PRKCQ: variants seen among roughly 807,000 people sequenced by gnomAD.
PRKCQ encodes protein kinase C theta, also known as protein kinase C theta type.
A neutral mutation model predicts 91.2 loss-of-function variants in PRKCQ; 41 were observed. The ratio of observed to expected loss-of-function variants is 0.45; its 90% CI spans 0.35 to 0.58. PRKCQ has a LOEUF of 0.58. Among genes scored for constraint, PRKCQ ranks in the 20% least tolerant of loss-of-function variants. PRKCQ has a pLI of 0.00. For missense variants in PRKCQ, 673 were observed against 896.5 expected, an observed-to-expected ratio of 0.75 and a Z score of 3.18; for synonymous variants, 307 against 316.9, an observed-to-expected ratio of 0.97 and a Z score of 0.33.
At chr10:6,425,948 G>A (rs1191698393), downstream of PRKCQ, among the ~76,000 whole-genome samples, 2 of 152,138 alleles carry the variant, frequency 1.3e-5, no homozygotes, top group Non-Finnish European at 2.9e-5. Context: ...GGGTCTCTGG[G>A]TGTCAGGAGG....
chr10:6,517,307 T>C (rs144768132), intron 1 of PRKCQ, among the ~76,000 whole-genome samples: 1 of 146,144 alleles, frequency 6.8e-6, no homozygotes, highest in African/African-American at 2.5e-5. Flanking sequence ...TTCTGATCTA[T>C]TTTCCCTAGT....
chr10:6,476,961 G>C (rs1390231597), intron 12 of PRKCQ, among the ~76,000 whole-genome samples: 1 of 152,124 alleles, frequency 6.6e-6, no homozygotes, highest in Non-Finnish European at 1.5e-5. Context: ...CCAGGCCAAT[G>C]GGTATTTATC....
chr10:6,397,192 G>T, the PRKCQ span, among the ~76,000 whole-genome samples: 5 of 152,148 alleles, frequency 3.3e-5, no homozygotes, highest in African/African-American at 9.7e-5. Flanking sequence ...TGCCTCCCGG[G>T]TTCAAGTGAT....
At chr10:6,451,720 T>C (rs1214592626) in intron 15 of PRKCQ, among the ~76,000 whole-genome samples, 1 of 152,150 alleles carries the variant, frequency 6.6e-6, no homozygotes, top group Non-Finnish European at 1.5e-5. Context: ...ATTAAAAAGC[T>C]TATCCACCAT....
rs779218245 is a variant in PRKCQ at position 6,519,799 on chromosome 10, C to A, written c.-9-4655G>T. 2.0e-4 allele frequency among the ~76,000 whole-genome samples: 31 copies of A among 152,100 alleles called. 1 individual carries two copies. The highest frequency in any genetic ancestry group is 9.8e-4 in the Admixed American group (15 of 15,274). On this transcript the variant is annotated intron_variant, in intron 1 of 17. Transcript: ENST00000263125. ...TTACCCCTGGCACCTGCACTTAACTCCCCTCATAAATATGTATAGATTTTT... is the reference window on the plus strand; with the variant it reads ...TTACCCCTGGCACCTGCACTTAACTACCCTCATAAATATGTATAGATTTTT...
intron 14 of PRKCQ, among the ~76,000 whole-genome samples, chr10:6,461,082 C>T (rs1345142501): frequency 1.3e-5 from 2 of 150,704 alleles, no homozygotes; most frequent in Non-Finnish European, 3.0e-5. Context: ...ATCATTCATC[C>T]ATCATTTATC....
rs1346191188 is a variant in PRKCQ at position 6,427,273 on chromosome 10, T to TTGAC, written c.*930_*933dup. The TTGAC allele has an allele frequency of 1.3e-5, 2 of 152,226 alleles. No individual in the cohort carries two copies. The highest frequency in any genetic ancestry group is 2.4e-5 in the African/African-American group (1 of 41,460). The allele number at this position is 152,226 out of a possible 1,614,324, so 9.4% of individuals were successfully genotyped here. On this transcript the variant is annotated 3_prime_UTR_variant, in exon 18 of 18. Transcript: ENST00000263125. The stretch of plus-strand genomic sequence containing the variant: ...TGGTTGGAATTCTAATTCAACTCAA[T>TTGAC]TGACTGCTGCAAACAGCATGCATGG...
At position 6,518,475 on chromosome 10, in the gene PRKCQ, T is replaced by A. The variant is rs528922876; in HGVS notation, c.-9-3331A>T. ...TAATGCATTTTATTTGAGGAAAAAT[T>A]AACATTTTAAGTCCTAATTTAAGCT... On this transcript the variant is annotated intron_variant, in intron 1 of 17. Transcript: ENST00000263125. Among the ~76,000 whole-genome samples the A allele has an allele frequency of 4.6e-5, 7 of 152,136 alleles. No individual in the cohort carries two copies. In the East Asian group the frequency reaches 1.3e-3, roughly 29 times the overall value.
At chr10:6,479,278 C>T (rs990865710) in intron 11 of PRKCQ, 113 bp from the exon 12 acceptor site, 3 of 1,241,640 alleles carry the variant, frequency 2.4e-6, no homozygotes, top group Non-Finnish European at 3.4e-6. Context: ...GGTTCCTTCT[C>T]CAACCCCCAT....
the PRKCQ span, among the ~76,000 whole-genome samples, chr10:6,421,765 A>G: frequency 6.6e-6 from 1 of 152,264 alleles, no homozygotes; most frequent in African/African-American, 2.4e-5. This position sits in a 1 kb window ranked among gnomAD's most constrained non-coding sequence, Gnocchi z 4.1. Context: ...CACACTGCAC[A>G]GCTGGCTCTT....
At chr10:6,452,360 T>G (rs1426350516) in intron 15 of PRKCQ, among the ~76,000 whole-genome samples, 1 of 151,790 alleles carries the variant, frequency 6.6e-6, no homozygotes, top group African/African-American at 2.4e-5. Context: ...GAATCCAACT[T>G]ACAAGGGACA....
At chr10:6,478,223 G>A (rs768790920) in intron 12 of PRKCQ, among the ~76,000 whole-genome samples, 1 of 152,150 alleles carries the variant, frequency 6.6e-6, no homozygotes, top group Admixed American at 6.6e-5. Flanking sequence ...TTTACAGTGG[G>A]TTGCTATTTT....
intron 15 of PRKCQ, among the ~76,000 whole-genome samples, chr10:6,443,273 C>A (rs531277902): frequency 6.6e-6 from 1 of 152,164 alleles, no homozygotes; most frequent in African/African-American, 2.4e-5. Context: ...CATGGTAGGA[C>A]CCATCCATGG....
chr10:6,462,408 G>A (rs1380200252), intron 13 of PRKCQ, 43 bp from the exon 14 acceptor site: 4 of 1,591,216 alleles, frequency 2.5e-6, no homozygotes, highest in Non-Finnish European at 3.4e-6. Context: ...TGTTGTCATG[G>A]AACGAAATAA....
At position 6,428,043 on chromosome 10, in the gene PRKCQ, T is replaced by G. The variant is rs1833206400; in HGVS notation, c.*164A>C. 1 of 790,612 alleles carries G rather than the reference T, an allele frequency of 1.3e-6. No homozygotes were observed. The highest frequency in any genetic ancestry group is 2.0e-6 in the Non-Finnish European group (1 of 502,966). The allele number at this position is 790,612 out of a possible 1,614,324, so 49.0% of individuals were successfully genotyped here. On this transcript the variant is annotated 3_prime_UTR_variant, in exon 18 of 18. Transcript: ENST00000263125. ...GGCATCGTCATTAGTGAAGTAGACT[T>G]GGTTTCTGCTACAGATAAAAGTCAC...
intron 12 of PRKCQ, among the ~76,000 whole-genome samples, chr10:6,474,914 G>A (rs745360321): frequency 3.9e-5 from 6 of 152,106 alleles, no homozygotes; most frequent in Non-Finnish European, 7.3e-5. Flanking sequence ...ACTGAGAAGG[G>A]ATCGTGCAAT....
At chr10:6,412,283 G>A in the PRKCQ span, among the ~76,000 whole-genome samples, 3 of 152,174 alleles carry the variant, frequency 2.0e-5, no homozygotes, top group African/African-American at 7.2e-5. Context: ...GCAAAGGAGT[G>A]TTTAGTTATC....
the PRKCQ span, among the ~76,000 whole-genome samples, chr10:6,407,255 C>T: frequency 2.1e-5 from 3 of 141,918 alleles, no homozygotes; most frequent in East Asian, 2.1e-4. The surrounding 1 kb of genome is among the most constrained non-coding windows in gnomAD (Gnocchi z 4.0). Flanking sequence ...ATGCAGTGGG[C>T]GTGCATGGTG....
chr10:6,479,365 A>T (rs181162627), intron 11 of PRKCQ, among the ~76,000 whole-genome samples, 200 bp from the exon 12 acceptor site: 1 of 152,304 alleles, frequency 6.6e-6, no homozygotes, highest in East Asian at 1.9e-4. Context: ...ATTTCATACT[A>T]TCTTTGTACT....
Sources: gnomAD v4.1 joint callset for allele counts (sites outside exome capture counted in the v4.1 genomes callset) on GRCh38, gnomAD v4.1.1 for gene constraint, Gnocchi (gnomAD v3.1) non-coding constraint, MANE v1.5 for transcripts, NCBI Gene and HGNC (gene_info 2026-07-23, HGNC 2026-07-21) for gene names.